SLC25A35: variants seen among roughly 807,000 people sequenced by gnomAD.
SLC25A35 encodes solute carrier family 25, member 35.
SLC25A35 carries 32 observed loss-of-function variants against 30.5 expected under a neutral mutation model. The observed-to-expected ratio is 1.05, with a 90% confidence interval of 0.79 to 1.41. The LOEUF is 1.41. Among genes scored for constraint, SLC25A35 ranks in the 40% most tolerant of loss-of-function variants. The pLI is 0.00. For synonymous variants in SLC25A35, 142 were observed against 158.1 expected (o/e 0.90, Z 0.77); for missense variants, 369 against 388.0 (o/e 0.95, Z 0.41).
intron 1 of SLC25A35, among the ~76,000 whole-genome samples, chr17:8,293,388 C>A (rs951612098): frequency 6.6e-6 from 1 of 152,138 alleles, no homozygotes; most frequent in Non-Finnish European, 1.5e-5. Flanking sequence ...AAAACAAATG[C>A]TACCAAATGC....
chr17:8,288,838 T>A (rs764464019), downstream of SLC25A35: 60 of 1,613,918 alleles, frequency 3.7e-5, no homozygotes, highest in Admixed American at 2.5e-4. Flanking sequence ...TTTTCCGCCA[T>A]CCTCCCCATG....
Position 8,295,306 on chromosome 17 carries a change from G to A in SLC25A35, c.-499C>T, listed in dbSNP as rs1289035838. The A allele has an allele frequency of 4.1e-6, 4 of 986,014 alleles. No homozygotes were observed. The highest frequency in any genetic ancestry group is 1.1e-4 in the East Asian group (1 of 8,832). 61.1% of individuals were successfully genotyped at this position (986,014 alleles called of 1,614,324 possible). A position where few individuals can be genotyped will look rare whatever the true frequency, so the allele number is the denominator to read the frequency against. On this transcript the variant is annotated 5_prime_UTR_variant, in exon 1 of 5. Transcript: ENST00000577745. ...AGAAGTCAGGACTCTGGCCAGGAAT[G>A]AGCGTCCCTGAGCGTCCCCAGGCAG...
rs1175197404 is a variant in SLC25A35 at position 8,294,440 on chromosome 17, A to T, written c.368T>A (p.Ile123Asn). The stretch of plus-strand genomic sequence containing the variant: ...CAAGAGCCCTCTTCTTACCATGTAG[A>T]TGGGGCTCCCCAAGTAGGCTCCCAT... ...GVMGAYLGSPIYMVKTHLQAQ... is the reference protein window; with the variant it reads ...GVMGAYLGSPNYMVKTHLQAQ... Residue 123 changes from isoleucine (I) to asparagine (N), a missense_variant, in exon 1 of 5, where the codon ATC becomes AAC. By Grantham distance (149) the Ile-to-Asn change is moderately radical. Coordinates refer to ENST00000577745, the MANE Select transcript of SLC25A35 (RefSeq NM_001320870.2). 6.3e-7 allele frequency: 1 copy of T among 1,579,022 alleles called. No individual in the cohort carries two copies. Among genetic ancestry groups the T allele is most frequent in the East Asian group, 2.2e-5 (1 of 44,518 alleles).
chr17:8,290,039 C>T (rs550366114), downstream of SLC25A35: 38 of 1,596,038 alleles, frequency 2.4e-5, no homozygotes, highest in South Asian at 5.6e-5. Context: ...CTTCCCTGTG[C>T]GTAAACATAA....
At chr17:8,289,524 C>T (rs1990310947), downstream of SLC25A35, 1 of 1,614,176 alleles carries the variant, frequency 6.2e-7, no homozygotes, top group Non-Finnish European at 8.5e-7. Context: ...CGTGACACTT[C>T]ATCAGGCCTT....
At position 8,291,711 on chromosome 17, in the gene SLC25A35, G is replaced by A. The variant is rs1990519391; in HGVS notation, c.442-226C>T. On this transcript the variant is annotated intron_variant, in intron 2 of 4. Coordinates refer to ENST00000577745, the MANE Select transcript of SLC25A35 (RefSeq NM_001320870.2). Reference sequence around the variant, plus strand: ...ATGTATGCAAGTGAGGCCATTCACTGGTCAGGAGAAACAGGGGCAGAAAAT... The same window carrying A: ...ATGTATGCAAGTGAGGCCATTCACTAGTCAGGAGAAACAGGGGCAGAAAAT... 2.6e-5 allele frequency among the ~76,000 whole-genome samples: 4 copies of A among 152,308 alleles called. No homozygotes were observed. The South Asian group carries it at 8.3e-4, about 32-fold the overall frequency.
rs139644274 is a variant in SLC25A35 at position 8,291,435 on chromosome 17, C to T, written c.492G>A (p.Gly164=). ...TEIGQKHGLV[G]LWRGALGGLP... is the part of the protein sequence containing the mutation. ...GGCCGCCCAGAGCCCCACGCCATAA[C>T]CCCACCAGACCATGTTTCTGGCCAA... Residue 164 remains glycine (G), a synonymous_variant, in exon 3 of 5, where the codon GGG becomes GGA. Coordinates refer to ENST00000577745, the MANE Select transcript of SLC25A35 (RefSeq NM_001320870.2). 6.2e-6 allele frequency: 10 copies of T among 1,614,092 alleles called. No homozygotes were observed. In the Admixed American group the frequency reaches 8.3e-5, roughly 13 times the overall value.
chr17:8,289,151 C>A, downstream of SLC25A35: 1 of 1,601,630 alleles, frequency 6.2e-7, no homozygotes, highest in Non-Finnish European at 8.5e-7. Context: ...GACGGTTAAT[C>A]CGGGCGGTGA....
At chr17:8,289,534 T>C (rs769793394), downstream of SLC25A35, 4 of 1,614,062 alleles carry the variant, frequency 2.5e-6, no homozygotes, top group Admixed American at 6.7e-5. Flanking sequence ...CATCAGGCCT[T>C]GCTGAGGCTG....
At position 8,292,538 on chromosome 17, in the gene SLC25A35, G is replaced by T. The variant is rs183653940; in HGVS notation, c.426C>A (p.His142Gln). 4 of 1,614,036 alleles carry T rather than the reference G, an allele frequency of 2.5e-6. No homozygotes were observed. The East Asian group carries it at 6.7e-5, about 27-fold the overall frequency. Reference sequence around the variant, plus strand: ...GAACCCTCACCTGATGCTTATACTGGTGCCCTACAGCAATTTCTGAGGCTG... The same window carrying T: ...GAACCCTCACCTGATGCTTATACTGTTGCCCTACAGCAATTTCTGAGGCTG... ...AQAASEIAVG[H>Q]QYKHQGMFQA... The change falls in exon 2 of 5, where the codon CAC becomes CAA. Residue 142 changes from histidine to glutamine, a missense_variant. Physicochemically the swap from His to Gln is conservative, Grantham distance 24. Transcript: ENST00000577745.
At chr17:8,289,766 C>T (rs1567657726), downstream of SLC25A35, 2 of 1,613,666 alleles carry the variant, frequency 1.2e-6, no homozygotes, top group Non-Finnish European at 8.5e-7. Flanking sequence ...ATTTCCAAAC[C>T]TCAGGCCTGG....
rs982029083 is a variant in SLC25A35 at position 8,291,527 on chromosome 17, C to A, written c.442-42G>T. The A allele has an allele frequency of 3.8e-6, 6 of 1,564,030 alleles. No homozygotes were observed. The African/African-American group carries it at 4.1e-5, about 11-fold the overall frequency. The stretch of plus-strand genomic sequence containing the variant: ...CGGGGGTGGGGTTCAGACAGCCCAG[C>A]ATCAGGGGCTGCCATCCTAACACTG... On this transcript the variant is annotated intron_variant, in intron 2 of 4. Transcript: ENST00000577745.
chr17:8,292,541 C>T lies in SLC25A35; in HGVS notation c.423G>A (p.Gly141=), dbSNP rs767007890. 1.9e-5 allele frequency: 30 copies of T among 1,613,878 alleles called. No homozygotes were observed. Among genetic ancestry groups the T allele is most frequent in the East Asian group, 2.2e-5 (1 of 44,890 alleles). The change falls in exon 2 of 5, where the codon GGG becomes GGA. Residue 141 remains glycine, a synonymous_variant. Transcript: ENST00000577745. ...QAQAASEIAV[G]HQYKHQGMFQ... ...CCCTCACCTGATGCTTATACTGGTG[C>T]CCTACAGCAATTTCTGAGGCTGCCT...
Position 8,290,475 on chromosome 17 carries a change from C to G in SLC25A35, c.*30G>C, listed in dbSNP as rs1483679531. ...TGGAGGCACAAGTGGCCAAGGAGTGCTCATTTGGTGGAGACTGGGAAAGCG... is the reference window on the plus strand; with the variant it reads ...TGGAGGCACAAGTGGCCAAGGAGTGGTCATTTGGTGGAGACTGGGAAAGCG... On this transcript the variant is annotated 3_prime_UTR_variant, in exon 5 of 5. Transcript: ENST00000577745. 3.3e-6 allele frequency: 5 copies of G among 1,532,728 alleles called. No homozygotes were observed. Among genetic ancestry groups the G allele is most frequent in the Non-Finnish European group, 4.4e-6 (5 of 1,145,052 alleles). The allele number at this position is 1,532,728 out of a possible 1,614,324, so 94.9% of individuals were successfully genotyped here.
rs1002666869 is a variant in SLC25A35 at position 8,295,393 on chromosome 17, C to G, written c.-586G>C. 220 of 983,854 alleles carry G rather than the reference C, an allele frequency of 2.2e-4. No homozygotes were observed. The highest frequency in any genetic ancestry group is 2.6e-4 in the Non-Finnish European group (212 of 828,462). The allele number at this position is 983,854 out of a possible 1,614,324, so 60.9% of individuals were successfully genotyped here. A position where few individuals can be genotyped will look rare whatever the true frequency, so the allele number is the denominator to read the frequency against. Reference sequence around the variant, plus strand: ...CTGCGGAGGCCGGGCCGCCACACTCCTGCCACTGGAGCGCGGGGCCAATGG... The same window carrying G: ...CTGCGGAGGCCGGGCCGCCACACTCGTGCCACTGGAGCGCGGGGCCAATGG... On this transcript the variant is annotated 5_prime_UTR_variant, in exon 1 of 5. Transcript: ENST00000577745.
rs1597445189 is a variant in SLC25A35 at position 8,290,951 on chromosome 17, A to C, written c.620T>G (p.Leu207Trp). 7 of 1,614,098 alleles carry C rather than the reference A, an allele frequency of 4.3e-6. No individual in the cohort carries two copies. Among genetic ancestry groups the C allele is most frequent in the Non-Finnish European group, 5.9e-6 (7 of 1,180,004 alleles). Residue 207 changes from leucine (L) to tryptophan (W), a missense_variant, in exon 4 of 5, where the codon TTG becomes TGG. By Grantham distance (61) the Leu-to-Trp change is moderately conservative. Coordinates refer to ENST00000577745, the MANE Select transcript of SLC25A35 (RefSeq NM_001320870.2). ...WEIFPPQSWK[L>W]ALVAAMMSGI... ...ACTCATCATGGCAGCCACCAGCGCCAACTTCCAGCTCTGGGGAGGAAAGAT... is the reference window on the plus strand; with the variant it reads ...ACTCATCATGGCAGCCACCAGCGCCCACTTCCAGCTCTGGGGAGGAAAGAT...
rs772407220 is a variant in SLC25A35 at position 8,294,603 on chromosome 17, C to A, written c.205G>T (p.Ala69Ser). 5 of 1,614,152 alleles carry A rather than the reference C, an allele frequency of 3.1e-6. No homozygotes were observed. Among genetic ancestry groups the A allele is most frequent in the Middle Eastern group, 1.6e-4 (1 of 6,062 alleles). Residue 69 changes from alanine to serine, a missense_variant, in exon 1 of 5, where the codon GCC (alanine) becomes TCC (serine). By Grantham distance (99) the Ala-to-Ser change is moderately conservative. Coordinates refer to ENST00000577745, the MANE Select transcript of SLC25A35 (RefSeq NM_001320870.2). ...LAALQKGLAP[A>S]LLYQFLMNGI... ...TTCATCAGGAACTGGTACAAGAGGG[C>A]GGGGGCCAGGCCTTTCTGCAGGGCA...
chr17:8,294,900 T>C lies in SLC25A35; in HGVS notation c.-93A>G. 6.7e-7 allele frequency: 1 copy of C among 1,502,360 alleles called. No homozygotes were observed. Among genetic ancestry groups the C allele is most frequent in the Admixed American group, 2.3e-5 (1 of 43,978 alleles). The allele number at this position is 1,502,360 out of a possible 1,614,324, so 93.1% of individuals were successfully genotyped here. A position where few individuals can be genotyped will look rare whatever the true frequency, so the allele number is the denominator to read the frequency against. ...TTGGAAGACAGGGGGAAGGCCTGTT[T>C]CAGCAGTACAGGTTGCAGAAGATAA... On this transcript the variant is annotated 5_prime_UTR_variant, in exon 1 of 5. Coordinates refer to ENST00000577745, the MANE Select transcript of SLC25A35 (RefSeq NM_001320870.2).
rs1269733887 is a variant in SLC25A35, at chr17:8,294,915, G to T, written c.-108C>A. On this transcript the variant is annotated 5_prime_UTR_variant, in exon 1 of 5. Coordinates refer to ENST00000577745, the MANE Select transcript of SLC25A35 (RefSeq NM_001320870.2). The stretch of plus-strand genomic sequence containing the variant: ...AAGGCCTGTTTCAGCAGTACAGGTT[G>T]CAGAAGATAAGAATTTAGATTTGCA... The T allele has an allele frequency of 6.7e-7, 1 of 1,486,050 alleles. No homozygotes were observed. The highest frequency in any genetic ancestry group is 2.4e-5 in the Admixed American group (1 of 41,758). The allele number at this position is 1,486,050 out of a possible 1,614,324, so 92.1% of individuals were successfully genotyped here.
Sources: allele counts gnomAD v4.1 joint callset (sites outside exome capture counted in the v4.1 genomes callset), GRCh38; gene constraint gnomAD v4.1.1; transcripts MANE v1.5; gene names NCBI Gene and HGNC (gene_info 2026-07-23, HGNC 2026-07-21).